The following SGCZ variants were observed in gnomAD, a reference collection of about 807,000 sequenced individuals.
The protein encoded by SGCZ is zeta-sarcoglycan.
In SGCZ, 40 loss-of-function variants were observed where a neutral mutation model predicts 41.3. That is an observed-to-expected ratio of 0.97 (90% CI 0.75 to 1.26). The LOEUF (loss-of-function observed/expected upper bound fraction) is 1.26. Among genes scored for constraint, SGCZ ranks in the 50% most tolerant of loss-of-function variants. SGCZ has a pLI of 0.00. For synonymous variants in SGCZ, 206 were observed against 137.5 expected, an observed-to-expected ratio of 1.50 and a Z score of -3.49; for missense variants, 552 against 369.8, an observed-to-expected ratio of 1.49 and a Z score of -4.04.
intron 4 of SGCZ, among the ~76,000 whole-genome samples, chr8:14,235,947 CGCTGGGATTACAGGCATGA>C (rs1171546450): frequency 6.6e-6 from 1 of 152,082 alleles, no homozygotes; most frequent in Non-Finnish European, 1.5e-5. Flanking sequence ...CCTCCCAAAG[CGCTGGGATTACAGGCATGA>C]GCTCCCGTGC....
chr8:14,842,024 A>C (rs765119696), intron 1 of SGCZ, among the ~76,000 whole-genome samples: 5 of 152,288 alleles, frequency 3.3e-5, no homozygotes, highest in Middle Eastern at 6.8e-3. Context: ...TTCATTTAGC[A>C]AATAGGTGGT....
At chr8:14,681,824 G>A (rs1808455523) in intron 1 of SGCZ, among the ~76,000 whole-genome samples, 1 of 152,002 alleles carries the variant, frequency 6.6e-6, no homozygotes, top group South Asian at 2.1e-4. Flanking sequence ...GGAAGCCCAT[G>A]GGCTTTTAGA....
chr8:14,906,357 A>G (rs1799120705), intron 1 of SGCZ, among the ~76,000 whole-genome samples: 1 of 152,170 alleles, frequency 6.6e-6, no homozygotes. Flanking sequence ...TGTTTAAACC[A>G]ATACCTGCAA....
intron 2 of SGCZ, among the ~76,000 whole-genome samples, chr8:14,480,921 T>C (rs1417418674): frequency 2.6e-5 from 4 of 152,048 alleles, no homozygotes; most frequent in Non-Finnish European, 5.9e-5. Flanking sequence ...AGAATAACAT[T>C]CTTATAAAAG....
chr8:14,112,955 C>T (rs1036463015), intron 5 of SGCZ, among the ~76,000 whole-genome samples: 1 of 151,962 alleles, frequency 6.6e-6, no homozygotes, highest in African/African-American at 2.4e-5. Context: ...TTATTGTATT[C>T]CATTAAAAAG....
At chr8:14,999,556 G>C (rs891363204) in intron 1 of SGCZ, among the ~76,000 whole-genome samples, 6 of 152,182 alleles carry the variant, frequency 3.9e-5, no homozygotes, top group Admixed American at 6.5e-5. Context: ...AGAAAAAGGA[G>C]GAAGTGGTGA....
At chr8:14,235,578 C>T (rs1395589752) in intron 4 of SGCZ, among the ~76,000 whole-genome samples, 4 of 152,176 alleles carry the variant, frequency 2.6e-5, no homozygotes, top group Non-Finnish European at 4.4e-5. Flanking sequence ...CAGTGAAATG[C>T]AAACAGTATT....
chr8:14,634,848 G>C (rs1806775822), intron 1 of SGCZ, among the ~76,000 whole-genome samples: 1 of 151,752 alleles, frequency 6.6e-6, no homozygotes, highest in South Asian at 2.1e-4. Context: ...TGACATCTGT[G>C]AATATCACAT....
At chr8:14,959,519 T>C (rs1039620516) in intron 1 of SGCZ, among the ~76,000 whole-genome samples, 3 of 152,168 alleles carry the variant, frequency 2.0e-5, no homozygotes, top group Admixed American at 6.6e-5. Flanking sequence ...TTTTAAAATA[T>C]ACAAAACAGC....
At chr8:15,157,442 C>T (rs2117032416) in intron 1 of SGCZ, among the ~76,000 whole-genome samples, 1 of 151,766 alleles carries the variant, frequency 6.6e-6, no homozygotes, top group Non-Finnish European at 1.5e-5. Context: ...AAAAAGTAGC[C>T]CGTAATTTTT....
intron 1 of SGCZ, among the ~76,000 whole-genome samples, chr8:15,007,967 A>G (rs1236370421): frequency 6.6e-6 from 1 of 152,198 alleles, no homozygotes; most frequent in Admixed American, 6.5e-5. Context: ...GCATTTCCAT[A>G]CAAAATATTA....
intron 1 of SGCZ, among the ~76,000 whole-genome samples, chr8:15,120,368 G>A (rs1166671208): frequency 6.6e-6 from 1 of 152,036 alleles, no homozygotes; most frequent in Non-Finnish European, 1.5e-5. Flanking sequence ...TATACAGGTA[G>A]TATTTTCCCC....
intron 1 of SGCZ, among the ~76,000 whole-genome samples, chr8:14,635,043 T>C (rs867677950): frequency 3.4e-5 from 5 of 149,126 alleles, no homozygotes; most frequent in Non-Finnish European, 4.5e-5. Flanking sequence ...ATTATGTTGA[T>C]TTATATTGAA....
intron 1 of SGCZ, among the ~76,000 whole-genome samples, chr8:14,864,807 G>C (rs138688978): frequency 6.6e-6 from 1 of 151,902 alleles, no homozygotes; most frequent in Non-Finnish European, 1.5e-5. Flanking sequence ...TAAGAGCTCC[G>C]GTTCCTCCTT....
intron 1 of SGCZ, among the ~76,000 whole-genome samples, chr8:14,606,693 T>C (rs1471871588): frequency 6.6e-6 from 1 of 152,190 alleles, no homozygotes; most frequent in African/African-American, 2.4e-5. Context: ...CACAGGTATT[T>C]TGTTCACCAC....
intron 1 of SGCZ, among the ~76,000 whole-genome samples, chr8:15,127,262 AC>A (rs1807737712): frequency 7.1e-4 from 1 of 1,400 alleles, no homozygotes; most frequent in African/African-American, 1.4e-3. Context: ...ACACAAACAA[AC>A]ACACACACAC....
intron 4 of SGCZ, among the ~76,000 whole-genome samples, chr8:14,176,525 A>G (rs1804546442): frequency 6.6e-6 from 1 of 152,268 alleles, no homozygotes; most frequent in African/African-American, 2.4e-5. Context: ...GTATGTCCTC[A>G]AATGACTGTA....
At chr8:14,995,943 G>T (rs539327808) in intron 1 of SGCZ, among the ~76,000 whole-genome samples, 88 of 151,814 alleles carry the variant, frequency 5.8e-4, no homozygotes, top group Non-Finnish European at 3.7e-4. Context: ...TTGCTCTGTT[G>T]TCCGGGGTGG....
At chr8:14,105,649 G>C (rs1242683351) in intron 6 of SGCZ, among the ~76,000 whole-genome samples, 1 of 150,966 alleles carries the variant, frequency 6.6e-6, no homozygotes, top group African/African-American at 2.4e-5. Flanking sequence ...CTTATCTTGG[G>C]GGTTGCCAGT....
Sources: gnomAD v4.1 joint callset for allele counts (sites outside exome capture counted in the v4.1 genomes callset) on GRCh38, gnomAD v4.1.1 for gene constraint, MANE v1.5 for transcripts, NCBI Gene and HGNC (gene_info 2026-07-23, HGNC 2026-07-21) for gene names.